DMD: variants seen among roughly 807,000 people sequenced by gnomAD.
DMD encodes mutant dystrophin.
A neutral mutation model predicts 330.1 loss-of-function variants in DMD; 63 were observed. The ratio of observed to expected loss-of-function variants is 0.19; its 90% confidence interval spans 0.16 to 0.24. DMD has a LOEUF of 0.24. DMD is among the 10% of genes least tolerant of loss of function. DMD has a pLI of 1.00. For missense variants in DMD, 3,344 were observed against 2,684.1 expected (o/e 1.25, Z -5.43); for synonymous variants, 1,223 against 959.8 (o/e 1.27, Z -5.07).
chrX:32,668,088 G>A (rs1208342187), intron 9 of DMD, among the ~76,000 whole-genome samples: 1 of 110,840 alleles, frequency 9.0e-6, no homozygotes, highest in Non-Finnish European at 1.9e-5. Flanking sequence ...GGCGGAGGTT[G>A]CAGTGAGCCG....
chrX:32,384,914 G>A (rs1217839486), intron 33 of DMD, among the ~76,000 whole-genome samples: 2 of 111,121 alleles, frequency 1.8e-5, no homozygotes, highest in East Asian at 2.8e-4. Context: ...TAAGATATCC[G>A]TTTATGGAAA....
chrX:32,426,514 T>C (rs2098213520), intron 29 of DMD, among the ~76,000 whole-genome samples: 1 of 111,401 alleles, frequency 9.0e-6, no homozygotes, highest in African/African-American at 3.3e-5. Flanking sequence ...AAACAGAACA[T>C]TTATACACTG....
intron 60 of DMD, among the ~76,000 whole-genome samples, chrX:31,381,760 AC>A (rs2060193631): frequency 8.9e-6 from 1 of 112,097 alleles, no homozygotes; most frequent in African/African-American, 3.2e-5. Context: ...AGTACAAGCC[AC>A]TAGCCTGCCT....
intron 2 of DMD, among the ~76,000 whole-genome samples, chrX:32,945,563 G>A (rs2180647): frequency 0.31 from 34,411 of 109,854 alleles, 5,445 homozygotes; most frequent in African/African-American, 0.61. Context: ...AGCAGTTTTG[G>A]TAGTCATTCT....
chrX:31,682,411 A>G (rs965009353), intron 52 of DMD, among the ~76,000 whole-genome samples: 2 of 111,764 alleles, frequency 1.8e-5, no homozygotes, highest in African/African-American at 3.3e-5. Context: ...TAGGTAGTGG[A>G]ACAGCTTTCG....
intron 43 of DMD, among the ~76,000 whole-genome samples, chrX:32,235,418 G>T (rs2097183998): frequency 1.8e-5 from 2 of 111,454 alleles, no homozygotes; most frequent in South Asian, 3.8e-4. Context: ...TCCCTAGCCC[G>T]CTGCTGCTCA....
chrX:32,287,762 A>T (rs753104255), intron 42 of DMD, 61 bp from the exon 43 acceptor site: 89 of 699,178 alleles, frequency 1.3e-4, no homozygotes, highest in Admixed American at 1.5e-4. Context: ...GAAAGAGAAA[A>T]ATATATATAT....
At chrX:33,102,078 A>G (rs1193498699) in intron 1 of DMD, among the ~76,000 whole-genome samples, 1 of 112,206 alleles carries the variant, frequency 8.9e-6, no homozygotes, top group Non-Finnish European at 1.9e-5. Context: ...CTAAGACAGT[A>G]AAATAACCAT....
intron 74 of DMD, among the ~76,000 whole-genome samples, chrX:31,161,466 G>A (rs750924968): frequency 4.5e-5 from 5 of 111,801 alleles, no homozygotes; most frequent in African/African-American, 1.3e-4. Flanking sequence ...TGTCTGATAC[G>A]TAGCTCTTTC....
intron 44 of DMD, among the ~76,000 whole-genome samples, chrX:32,172,433 T>C (rs1020786422): frequency 8.9e-6 from 1 of 112,181 alleles, no homozygotes; most frequent in Non-Finnish European, 1.9e-5. Flanking sequence ...ATTACTCTTT[T>C]TAAAAACATC....
At chrX:31,730,774 T>G (rs942150331) in intron 51 of DMD, among the ~76,000 whole-genome samples, 2 of 112,042 alleles carry the variant, frequency 1.8e-5, no homozygotes, top group Non-Finnish European at 3.8e-5. Context: ...CATTTTTTTC[T>G]TATAATAACC....
chrX:31,633,769 T>C (rs747505459), intron 54 of DMD, among the ~76,000 whole-genome samples: 31 of 112,320 alleles, frequency 2.8e-4, no homozygotes, highest in Non-Finnish European at 5.3e-4. Flanking sequence ...GATGGATGCT[T>C]AACAAAAGTT....
chrX:31,635,592 G>C (rs773069999), intron 54 of DMD, among the ~76,000 whole-genome samples: 1 of 111,919 alleles, frequency 8.9e-6, no homozygotes, highest in African/African-American at 3.2e-5. Context: ...GAAAGAAGTG[G>C]CTAAAAACAT....
chrX:32,916,632 G>T lies in DMD; in HGVS notation c.94-66812C>A, dbSNP rs1313627287. On this transcript the variant is annotated intron_variant, in intron 2 of 78. Transcript: ENST00000357033. ...AAACCCATAGAAACTTTTTAAAGATGTGATATTAGTGTTGATATCTATTGA... is the reference window on the plus strand; with the variant it reads ...AAACCCATAGAAACTTTTTAAAGATTTGATATTAGTGTTGATATCTATTGA... Among the ~76,000 whole-genome samples the T allele has an allele frequency of 2.7e-5, 3 of 111,522 alleles. No individual in the cohort carries two copies. In the Admixed American group the frequency reaches 2.9e-4, roughly 11 times the overall value.
chrX:32,503,111 A>G (rs1603634994), intron 18 of DMD, among the ~76,000 whole-genome samples: 1 of 112,742 alleles, frequency 8.9e-6, no homozygotes, highest in East Asian at 2.8e-4. Flanking sequence ...GCAAATAGTT[A>G]AGAGATAGGC....
At chrX:32,834,245 G>A (rs965958566) in intron 4 of DMD, among the ~76,000 whole-genome samples, 1 of 111,233 alleles carries the variant, frequency 9.0e-6, no homozygotes, top group East Asian at 2.8e-4. Context: ...GGCCTATTGT[G>A]TGGACTGACA....
intron 2 of DMD, among the ~76,000 whole-genome samples, chrX:32,989,597 A>G (rs1205020240): frequency 8.9e-6 from 1 of 112,023 alleles, no homozygotes; most frequent in Non-Finnish European, 1.9e-5. Context: ...TTTATGGAAT[A>G]TATTAATTTT....
rs757320556 is a variant in DMD, at chrX:31,265,691, G to C, written c.9225-4675C>G. On this transcript the variant is annotated intron_variant, in intron 62 of 78. Coordinates refer to ENST00000357033, the MANE Select transcript of DMD (RefSeq NM_004006.3). Reference sequence around the variant, plus strand: ...CCGTGTTGCTTCATTTGCTCCACTCGCTTCTCCAACAGCAAATGTATCCTC... The same window carrying C: ...CCGTGTTGCTTCATTTGCTCCACTCCCTTCTCCAACAGCAAATGTATCCTC... Among the ~76,000 whole-genome samples, 20 of 102,870 alleles carry C rather than the reference G, an allele frequency of 1.9e-4. No individual in the cohort carries two copies. In the East Asian group the frequency reaches 6.1e-3, roughly 32 times the overall value. 89.3% of individuals were successfully genotyped at this position (102,870 alleles called of 115,157 possible). A position where few individuals can be genotyped will look rare whatever the true frequency, so the allele number is the denominator to read the frequency against.
intron 63 of DMD, among the ~76,000 whole-genome samples, chrX:31,247,307 GA>G (rs2048923755): frequency 9.0e-6 from 1 of 111,309 alleles, no homozygotes; most frequent in South Asian, 3.8e-4. Flanking sequence ...AAAGTAAATG[GA>G]AAATCTCTGG....
Sources: gnomAD v4.1 joint callset for allele counts (sites outside exome capture counted in the v4.1 genomes callset) on GRCh38, gnomAD v4.1.1 for gene constraint, MANE v1.5 for transcripts, NCBI Gene and HGNC (gene_info 2026-07-23, HGNC 2026-07-21) for gene names.